JMJD1C: variants seen among roughly 807,000 people sequenced by gnomAD.
JMJD1C encodes jumonji domain containing 1C.
JMJD1C carries 31 observed loss-of-function variants against 245.3 expected under a neutral mutation model. That is an observed-to-expected ratio of 0.13 (90% CI 0.09 to 0.17). JMJD1C has a LOEUF of 0.17. Ranked by LOEUF, JMJD1C falls within the 10% of genes least tolerant of loss-of-function variation. The pLI is 1.00. For synonymous variants in JMJD1C, 1,057 were observed against 1,017.4 expected, an observed-to-expected ratio of 1.04 and a Z score of -0.74; for missense variants, 2,691 against 3,000.2, an observed-to-expected ratio of 0.90 and a Z score of 2.41.
At chr10:63,479,186 CTT>C (rs1352230849) in intron 1 of JMJD1C, among the ~76,000 whole-genome samples, 2 of 151,270 alleles carry the variant, frequency 1.3e-5, no homozygotes, top group Admixed American at 6.6e-5. Context: ...AATTTTCAAA[CTT>C]AATGAGAGAG....
intron 21 of JMJD1C, among the ~76,000 whole-genome samples, 155 bp from the exon 22 acceptor site, chr10:63,183,724 A>G (rs1843753381): frequency 6.6e-6 from 1 of 152,246 alleles, no homozygotes; most frequent in Non-Finnish European, 1.5e-5. Context: ...GCCACAATCT[A>G]TAAAAGACCC....
In JMJD1C at chr10:63,381,715, A is replaced by G. The variant is rs193209385; in HGVS notation, c.169-1233T>C. ...TAACAAATTCATTCTTTAACTTAAC[A>G]TTTTTCATAAAACCATCATTTAACT... On this transcript the variant is annotated intron_variant, in intron 1 of 25. Transcript: ENST00000399262. Among the ~76,000 whole-genome samples, 14 of 152,264 alleles carry G rather than the reference A, an allele frequency of 9.2e-5. No individual in the cohort carries two copies. The East Asian group carries it at 2.5e-3, about 27-fold the overall frequency.
chr10:63,479,439 A>G (rs1953763099), intron 1 of JMJD1C, among the ~76,000 whole-genome samples: 1 of 152,188 alleles, frequency 6.6e-6, no homozygotes, highest in African/African-American at 2.4e-5. Context: ...CTTCAGTATC[A>G]TCTAATAAGT....
chr10:63,196,541 C>G (rs1000422138), intron 13 of JMJD1C, among the ~76,000 whole-genome samples: 1 of 152,114 alleles, frequency 6.6e-6, no homozygotes, highest in African/African-American at 2.4e-5. Context: ...TTGGTTAATC[C>G]TATCAGTAGA....
chr10:63,222,783 A>G (rs1589198140), intron 3 of JMJD1C: 5 of 1,470,336 alleles, frequency 3.4e-6, no homozygotes, highest in East Asian at 4.5e-5. Flanking sequence ...GAAGTTTTGA[A>G]GTCAATTCCT....
At chr10:63,230,365 T>C (rs1849811415) in intron 3 of JMJD1C, among the ~76,000 whole-genome samples, 1 of 152,030 alleles carries the variant, frequency 6.6e-6, no homozygotes, top group Non-Finnish European at 1.5e-5. Context: ...GAGCAAAGAC[T>C]CTGTTTCGAA....
Position 63,263,986 on chromosome 10 carries a change from A to T in JMJD1C, c.447+665T>A, listed in dbSNP as rs866867533. ...CACACACACACACACACACACACAC[A>T]CACACACACACACACACACACAATT... is the stretch of plus-strand genomic sequence containing the variant. On this transcript the variant is annotated intron_variant, in intron 3 of 25. Coordinates refer to ENST00000399262, the MANE Select transcript of JMJD1C (RefSeq NM_032776.3). Among the ~76,000 whole-genome samples, 1,202 of 148,242 alleles carry T rather than the reference A, an allele frequency of 8.1e-3. 31 individuals are homozygous for T. The highest frequency in any genetic ancestry group is 0.028 in the African/African-American group (1,123 of 39,868).
chr10:63,421,206 T>G (rs1352873161), intron 1 of JMJD1C, among the ~76,000 whole-genome samples: 4 of 152,098 alleles, frequency 2.6e-5, no homozygotes, highest in African/African-American at 9.7e-5. Context: ...TGGTGGCTCA[T>G]GCCTGTAATC....
intron 2 of JMJD1C, among the ~76,000 whole-genome samples, chr10:63,285,479 A>T (rs540048651): frequency 4.0e-4 from 61 of 152,216 alleles, no homozygotes; most frequent in African/African-American, 1.4e-3. Context: ...AATCAGAAAG[A>T]TTTGAGTCTG....
At position 63,354,769 on chromosome 10, in the gene JMJD1C, C is replaced by G. The variant is rs1314104526; in HGVS notation, c.333+25549G>C. 2.7e-5 allele frequency among the ~76,000 whole-genome samples: 4 copies of G among 148,776 alleles called. No homozygotes were observed. The Admixed American group carries it at 2.8e-4, about 10-fold the overall frequency. ...GTGGCTCATGCCTGTAATCCCAGAA[C>G]TTTGGGAGGTTGGGGCAGGTGGATT... On this transcript the variant is annotated intron_variant, in intron 2 of 25. Transcript: ENST00000399262.
intron 1 of JMJD1C, among the ~76,000 whole-genome samples, chr10:63,492,874 C>T (rs1954220176): frequency 6.6e-6 from 1 of 152,136 alleles, no homozygotes; most frequent in African/African-American, 2.4e-5. Context: ...TAACCCACTA[C>T]AGTTTTGTCT....
chr10:63,205,967 G>C (rs1160568761), intron 10 of JMJD1C, among the ~76,000 whole-genome samples: 3 of 152,136 alleles, frequency 2.0e-5, no homozygotes, highest in Non-Finnish European at 4.4e-5. Context: ...GGGATTACAG[G>C]AGTGAGCCAC....
At chr10:63,468,887 G>T (rs1189475854), upstream of JMJD1C, among the ~76,000 whole-genome samples, 1 of 152,170 alleles carries the variant, frequency 6.6e-6, no homozygotes, top group Non-Finnish European at 1.5e-5. Context: ...GCTGCAACTG[G>T]AGGATCTCTT....
intron 3 of JMJD1C, chr10:63,222,770 T>C: frequency 6.7e-7 from 1 of 1,489,602 alleles, no homozygotes; most frequent in Non-Finnish European, 9.4e-7. Context: ...TGAAACTAAT[T>C]TGGAAGTTTT....
intron 1 of JMJD1C, among the ~76,000 whole-genome samples, chr10:63,403,634 C>T (rs915804846): frequency 2.0e-5 from 3 of 152,112 alleles, no homozygotes; most frequent in African/African-American, 7.2e-5. Context: ...TTTCTTTTTT[C>T]CAACTTAAAA....
At chr10:63,350,183 C>G (rs533101586) in intron 2 of JMJD1C, among the ~76,000 whole-genome samples, 1 of 152,132 alleles carries the variant, frequency 6.6e-6, no homozygotes, top group Non-Finnish European at 1.5e-5. Flanking sequence ...GAAAAGGTGA[C>G]CTGACTCATG....
chr10:63,394,998 A>G (rs1948378368), intron 1 of JMJD1C, among the ~76,000 whole-genome samples: 1 of 152,198 alleles, frequency 6.6e-6, no homozygotes. Flanking sequence ...AGAATATATA[A>G]AACACTTTTG....
intron 8 of JMJD1C, 47 bp from the exon 9 acceptor site, chr10:63,209,282 G>C (rs1028764624): frequency 6.6e-7 from 1 of 1,517,932 alleles, no homozygotes; most frequent in African/African-American, 1.4e-5. Flanking sequence ...TCAGTTACTA[G>C]AAAAAGCTAA....
intron 1 of JMJD1C, among the ~76,000 whole-genome samples, chr10:63,411,296 T>A (rs1949458553): frequency 7.5e-6 from 1 of 134,054 alleles, no homozygotes; most frequent in Non-Finnish European, 1.5e-5. Context: ...GTCACTGATT[T>A]TTTTTTTTTT....
Sources: allele counts gnomAD v4.1 joint callset (sites outside exome capture counted in the v4.1 genomes callset), GRCh38; gene constraint gnomAD v4.1.1; transcripts MANE v1.5; gene names NCBI Gene and HGNC (gene_info 2026-07-23, HGNC 2026-07-21).